FAM169A: variants seen among roughly 807,000 people sequenced by gnomAD.
The protein encoded by FAM169A is family with sequence similarity 169 member A, also known as soluble lamin-associated protein of 75 kDa.
In FAM169A, 24 loss-of-function variants were observed where a neutral mutation model predicts 75.7. The observed-to-expected ratio is 0.32, with a 90% confidence interval of 0.23 to 0.45. FAM169A has a LOEUF of 0.45. Ranked by LOEUF, FAM169A falls within the 20% of genes least tolerant of loss-of-function variation. The pLI, the probability that FAM169A is intolerant of heterozygous loss-of-function variation, is 1.00. For missense variants in FAM169A, 673 were observed against 784.0 expected (o/e 0.86, Z 1.69); for synonymous variants, 271 against 271.0 (o/e 1.00, Z 0.00).
intron 10 of FAM169A, chr5:74,799,974 A>C: frequency 1.2e-6 from 1 of 806,196 alleles, no homozygotes; most frequent in Non-Finnish European, 2.2e-6. Flanking sequence ...GAATAGCATC[A>C]CTCAAGTCTC....
chr5:74,852,208 G>A (rs1214841492), intron 1 of FAM169A, among the ~76,000 whole-genome samples: 2 of 152,142 alleles, frequency 1.3e-5, no homozygotes, highest in Admixed American at 1.3e-4. Context: ...ACCATGGGCT[G>A]CCATTATATA....
At chr5:74,832,759 G>A (rs1748380995) in intron 5 of FAM169A, among the ~76,000 whole-genome samples, 1 of 151,448 alleles carries the variant, frequency 6.6e-6, no homozygotes, top group African/African-American at 2.4e-5. Flanking sequence ...TTATGTTTAG[G>A]TTTCCTTTGT....
chr5:74,799,027 A>C (rs1297572446), intron 10 of FAM169A: 2 of 1,153,428 alleles, frequency 1.7e-6, no homozygotes, highest in Non-Finnish European at 2.6e-6. Flanking sequence ...AGAGCCAATC[A>C]ACTGTCGTGC....
intron 5 of FAM169A, among the ~76,000 whole-genome samples, chr5:74,824,458 T>C (rs1033941220): frequency 3.9e-5 from 6 of 152,200 alleles, no homozygotes; most frequent in Non-Finnish European, 7.4e-5. Context: ...TGAGACTTTT[T>C]CATTAATCTT....
chr5:74,816,636 A>G (rs1018614720), intron 5 of FAM169A, among the ~76,000 whole-genome samples: 1 of 152,228 alleles, frequency 6.6e-6, no homozygotes, highest in African/African-American at 2.4e-5. Flanking sequence ...AATAAAGAGC[A>G]GAAAAACTTT....
intron 1 of FAM169A, among the ~76,000 whole-genome samples, chr5:74,850,889 A>G (rs956720923): frequency 6.6e-6 from 1 of 152,098 alleles, no homozygotes. Context: ...TTTTTGAAAA[A>G]ATGCCTACTT....
At chr5:74,837,149 C>T (rs2112660052) in intron 4 of FAM169A, among the ~76,000 whole-genome samples, 4 of 152,216 alleles carry the variant, frequency 2.6e-5, no homozygotes, top group Admixed American at 2.6e-4. Flanking sequence ...ATCCTTTAGC[C>T]TTCATATCTA....
At chr5:74,799,547 G>A in intron 10 of FAM169A, 1 of 1,528,678 alleles carries the variant, frequency 6.5e-7, no homozygotes, top group Non-Finnish European at 9.1e-7. Context: ...AGCATGCCCT[G>A]GGACAGCAAG....
intron 1 of FAM169A, among the ~76,000 whole-genome samples, chr5:74,849,300 ATAT>A: frequency 6.6e-6 from 1 of 152,160 alleles, no homozygotes; most frequent in Non-Finnish European, 1.5e-5. Flanking sequence ...AAACAAATTT[ATAT>A]TATTGTGATT....
chr5:74,866,841 CG>C, upstream of FAM169A: 1 of 985,452 alleles, frequency 1.0e-6, no homozygotes, highest in Non-Finnish European at 1.2e-6. Flanking sequence ...GCGGCCATCC[CG>C]GCCTCGGGAC....
At chr5:74,799,153 C>A in intron 10 of FAM169A, 1 of 1,036,174 alleles carries the variant, frequency 9.7e-7, no homozygotes, top group Non-Finnish European at 1.5e-6. Context: ...GCACAATGGA[C>A]ACATCACAGA....
At chr5:74,864,579 C>G (rs1043861328) in intron 1 of FAM169A, among the ~76,000 whole-genome samples, 4 of 152,196 alleles carry the variant, frequency 2.6e-5, no homozygotes, top group African/African-American at 9.7e-5. Context: ...TGAATACTAT[C>G]TCAAAGGTCA....
intron 4 of FAM169A, among the ~76,000 whole-genome samples, chr5:74,835,016 A>G (rs75046291): frequency 2.0e-5 from 3 of 151,198 alleles, no homozygotes; most frequent in Non-Finnish European, 4.4e-5. Flanking sequence ...AAAAAAAAAA[A>G]GGCAGCTTAG....
At position 74,777,614 on chromosome 5, in the gene FAM169A, T is replaced by G. The variant is rs956331317; in HGVS notation, c.*3846A>C. 9 of 152,098 alleles carry G rather than the reference T, an allele frequency of 5.9e-5. No individual in the cohort carries two copies. Among genetic ancestry groups the G allele is most frequent in the East Asian group, 1.9e-4 (1 of 5,176 alleles). The allele number at this position is 152,098 out of a possible 1,614,324, so 9.4% of individuals were successfully genotyped here. On this transcript the variant is annotated 3_prime_UTR_variant, in exon 13 of 13. Coordinates refer to ENST00000687041, the MANE Select transcript of FAM169A (RefSeq NM_001376049.1). ...TATTTTTTTTTTAAAGAAGTCTGTC[T>G]TCAGAGTACAACCAATGTGATTAAT...
At chr5:74,800,136 G>A (rs1746493022) in intron 10 of FAM169A, 3 of 496,628 alleles carry the variant, frequency 6.0e-6, no homozygotes, top group South Asian at 4.0e-5. Flanking sequence ...CAGCTGTGCC[G>A]TGGCACGATG....
intron 1 of FAM169A, among the ~76,000 whole-genome samples, chr5:74,852,687 T>A (rs1288368545): frequency 6.7e-6 from 1 of 150,278 alleles, no homozygotes; most frequent in African/African-American, 2.5e-5. Flanking sequence ...CCAAGAGAGT[T>A]AAGGTATATA....
chr5:74,786,431 C>T (rs573744719), intron 11 of FAM169A, among the ~76,000 whole-genome samples: 13 of 152,228 alleles, frequency 8.5e-5, no homozygotes, highest in African/African-American at 3.1e-4. Flanking sequence ...ATGCTAAGGA[C>T]TCTACTTCTA....
rs1745306387 is a variant in FAM169A, at chr5:74,779,573, T to A, written c.*1887A>T. 1 of 152,022 alleles carries A rather than the reference T, an allele frequency of 6.6e-6. No homozygotes were observed. The highest frequency in any genetic ancestry group is 2.4e-5 in the African/African-American group (1 of 41,400). 9.4% of individuals were successfully genotyped at this position (152,022 alleles called of 1,614,324 possible). A position where few individuals can be genotyped will look rare whatever the true frequency, so the allele number is the denominator to read the frequency against. On this transcript the variant is annotated 3_prime_UTR_variant, in exon 13 of 13. Transcript: ENST00000687041. ...ATATTGACAGAAGTTTCTCATAAAATGTATAAAACAGCATAAATGTTTGGT... is the reference window on the plus strand; with the variant it reads ...ATATTGACAGAAGTTTCTCATAAAAAGTATAAAACAGCATAAATGTTTGGT...
intron 5 of FAM169A, among the ~76,000 whole-genome samples, chr5:74,817,911 T>TTA (rs778916422): frequency 3.9e-5 from 6 of 152,054 alleles, no homozygotes; most frequent in Non-Finnish European, 8.8e-5. Flanking sequence ...TGGAGGAAAA[T>TTA]TATATATTTA....
Sources: gnomAD v4.1 joint callset for allele counts (sites outside exome capture counted in the v4.1 genomes callset) on GRCh38, gnomAD v4.1.1 for gene constraint, MANE v1.5 for transcripts, NCBI Gene and HGNC (gene_info 2026-07-23, HGNC 2026-07-21) for gene names.